The following HERPUD2 variants were observed in gnomAD, a reference collection of about 807,000 sequenced individuals.
HERPUD2 encodes the protein homocysteine-responsive endoplasmic reticulum-resident ubiquitin-like domain member 2 protein.
A neutral mutation model predicts 49.9 loss-of-function variants in HERPUD2; 13 were observed. That is an observed-to-expected ratio of 0.26 (90% CI 0.17 to 0.41). The LOEUF (loss-of-function observed/expected upper bound fraction) is 0.41, where lower values mean the gene tolerates loss of function less well. Ranked by LOEUF, HERPUD2 falls within the 10% of genes least tolerant of loss-of-function variation. The pLI, the probability that HERPUD2 is intolerant of heterozygous loss-of-function variation, is 1.00. For synonymous variants in HERPUD2, 172 were observed against 171.4 expected (o/e 1.00, Z -0.03); for missense variants, 449 against 492.2 (o/e 0.91, Z 0.83).
intron 5 of HERPUD2, among the ~76,000 whole-genome samples, chr7:35,665,309 C>T (rs758710194): frequency 3.9e-5 from 6 of 152,220 alleles, no homozygotes; most frequent in Admixed American, 2.6e-4. Context: ...ACTCGAGCCT[C>T]GGCAATGGCA....
intron 2 of HERPUD2, among the ~76,000 whole-genome samples, chr7:35,678,464 C>G (rs1388360804): frequency 6.6e-6 from 1 of 152,068 alleles, no homozygotes; most frequent in Admixed American, 6.6e-5. Flanking sequence ...CCACACCCTG[C>G]TAATTTTTGT....
At chr7:35,685,569 G>A (rs57875028) in intron 2 of HERPUD2, among the ~76,000 whole-genome samples, 28,616 of 151,592 alleles carry the variant, frequency 0.19, 3,205 homozygotes, top group African/African-American at 0.31. Context: ...CAGGTGATCT[G>A]CCCATTTCAG....
chr7:35,637,109 G>C (rs948762387), intron 6 of HERPUD2, among the ~76,000 whole-genome samples: 1 of 149,110 alleles, frequency 6.7e-6, no homozygotes, highest in Non-Finnish European at 1.5e-5. Flanking sequence ...CTCTAGCCTA[G>C]GTAACAGAGT....
chr7:35,690,903 G>A (rs974763571), intron 2 of HERPUD2, among the ~76,000 whole-genome samples: 2 of 152,076 alleles, frequency 1.3e-5, no homozygotes, highest in Admixed American at 6.6e-5. Flanking sequence ...AAACTTAAAT[G>A]TCCCCGTGAA....
rs148379908 is a variant in HERPUD2, at chr7:35,694,332, G to A, written c.-2C>T. 1 of 1,614,134 alleles carries A rather than the reference G, an allele frequency of 6.2e-7. No individual in the cohort carries two copies. The highest frequency in any genetic ancestry group is 8.5e-7 in the Non-Finnish European group (1 of 1,179,998). ...AATCTCCATCCCACTTTGGTCCATG[G>A]TGCCCCCAAAGTCAGACAGAGTCCA... On this transcript the variant is annotated 5_prime_UTR_variant, in exon 2 of 9. Transcript: ENST00000311350.
chr7:35,678,413 G>A (rs921457790), intron 2 of HERPUD2, among the ~76,000 whole-genome samples: 1 of 151,954 alleles, frequency 6.6e-6, no homozygotes, highest in African/African-American at 2.4e-5. Flanking sequence ...CAATTCTCCT[G>A]CCTCAGCCTT....
intron 4 of HERPUD2, among the ~76,000 whole-genome samples, 170 bp from the exon 5 acceptor site, chr7:35,667,758 G>A (rs567707335): frequency 2.2e-4 from 33 of 152,110 alleles, no homozygotes; most frequent in African/African-American, 6.7e-4. Context: ...ATTTTAGTAC[G>A]TCAAAACTTA....
intron 2 of HERPUD2, among the ~76,000 whole-genome samples, chr7:35,690,390 T>A (rs867638506): frequency 3.1e-4 from 47 of 152,240 alleles, no homozygotes; most frequent in African/African-American, 1.0e-3. Flanking sequence ...ACTGCCTAAA[T>A]TCCTAACCAG....
intron 2 of HERPUD2, among the ~76,000 whole-genome samples, chr7:35,682,195 C>T (rs10268116): frequency 0.29 from 40,185 of 136,500 alleles, 7,345 homozygotes; most frequent in Non-Finnish European, 0.37. Flanking sequence ...TGCGTTATCA[C>T]GCCTGGCTAA....
chr7:35,636,611 C>A (rs1421241437), intron 6 of HERPUD2, among the ~76,000 whole-genome samples: 3 of 152,188 alleles, frequency 2.0e-5, no homozygotes, highest in Non-Finnish European at 4.4e-5. Context: ...AAAGCAGTCA[C>A]TCAAATGATA....
intron 2 of HERPUD2, among the ~76,000 whole-genome samples, chr7:35,674,404 T>TATATAGAGAGAG (rs1785711309): frequency 7.9e-5 from 3 of 38,128 alleles, no homozygotes; most frequent in Non-Finnish European, 1.3e-4. Flanking sequence ...TATATATATA[T>TATATAGAGAGAG]AGAGAGAGAG....
chr7:35,643,588 ATG>A (rs1354678891), intron 5 of HERPUD2, among the ~76,000 whole-genome samples: 3 of 152,042 alleles, frequency 2.0e-5, no homozygotes, highest in Non-Finnish European at 4.4e-5. Flanking sequence ...ATATATTTAT[ATG>A]TGTGTATACA....
At chr7:35,683,061 G>GAA (rs929200679) in intron 2 of HERPUD2, among the ~76,000 whole-genome samples, 2 of 151,364 alleles carry the variant, frequency 1.3e-5, no homozygotes, top group African/African-American at 4.9e-5. Flanking sequence ...CACAGATGTA[G>GAA]AAAAAAAAAT....
chr7:35,682,112 A>G (rs1353475430), intron 2 of HERPUD2, among the ~76,000 whole-genome samples: 3 of 151,768 alleles, frequency 2.0e-5, no homozygotes, highest in African/African-American at 4.8e-5. Flanking sequence ...GTATCAGCTC[A>G]CTGCAACCTC....
At chr7:35,694,065 C>T in intron 2 of HERPUD2, 119 bp downstream of exon 2, 1 of 971,614 alleles carries the variant, frequency 1.0e-6, no homozygotes, top group Non-Finnish European at 1.6e-6. Context: ...AAATACCTCG[C>T]GGTCTACCAA....
At chr7:35,634,481 G>T in intron 7 of HERPUD2, 52 bp from the exon 8 acceptor site, 1 of 1,104,298 alleles carries the variant, frequency 9.1e-7, no homozygotes, top group Non-Finnish European at 1.4e-6. Flanking sequence ...GTTTTTATTT[G>T]TAACACTATA....
intron 5 of HERPUD2, among the ~76,000 whole-genome samples, chr7:35,643,299 C>A (rs1276468802): frequency 6.6e-6 from 1 of 152,164 alleles, no homozygotes; most frequent in African/African-American, 2.4e-5. Flanking sequence ...ATCCTAAATA[C>A]AGCAAAGCCA....
At chr7:35,667,616 G>C (rs773087185) in intron 4 of HERPUD2, 28 bp from the exon 5 acceptor site, 1 of 1,556,908 alleles carries the variant, frequency 6.4e-7, no homozygotes, top group East Asian at 2.3e-5. Flanking sequence ...ATTTTTAAAA[G>C]GAGATTTAGT....
At position 35,694,204 on chromosome 7, in the gene HERPUD2, T is replaced by C. The variant is rs1404733768; in HGVS notation, c.127A>G (p.Asn43Asp). Residue 43 changes from asparagine (N) to aspartate (D), a missense_variant, in exon 2 of 9, where the codon AAC (asparagine) becomes GAC (aspartate). Transcript: ENST00000311350. ...TVGKLKTHLS[N>D]VYPSKPLTKD... ...CTTACTGGTTTGCTAGGGTAAACGTTAGATAGATGCGTTTTTAGTTTCCCC... is the reference window on the plus strand; with the variant it reads ...CTTACTGGTTTGCTAGGGTAAACGTCAGATAGATGCGTTTTTAGTTTCCCC... 1.2e-6 allele frequency: 2 copies of C among 1,614,102 alleles called. No individual in the cohort carries two copies. Among genetic ancestry groups the C allele is most frequent in the Non-Finnish European group, 1.7e-6 (2 of 1,180,024 alleles).
Sources: gnomAD v4.1 joint callset for allele counts (sites outside exome capture counted in the v4.1 genomes callset) on GRCh38, gnomAD v4.1.1 for gene constraint, MANE v1.5 for transcripts, NCBI Gene and HGNC (gene_info 2026-07-23, HGNC 2026-07-21) for gene names.